NRCAM: variants seen among roughly 807,000 people sequenced by gnomAD.
NRCAM encodes NgCAM-related cell adhesion molecule.
A neutral mutation model predicts 156.5 loss-of-function variants in NRCAM; 83 were observed. The observed-to-expected ratio is 0.53, with a 90% CI of 0.44 to 0.64. The LOEUF (loss-of-function observed/expected upper bound fraction) is 0.64. Among genes scored for constraint, NRCAM ranks in the 30% least tolerant of loss-of-function variants. The pLI, the probability that NRCAM is intolerant of heterozygous loss-of-function variation, is 0.00. For missense variants in NRCAM, 1,417 were observed against 1,597.3 expected, an observed-to-expected ratio of 0.89 and a Z score of 1.92; for synonymous variants, 538 against 563.9, an observed-to-expected ratio of 0.95 and a Z score of 0.65.
At chr7:108,257,006 A>G (rs1255322630) in intron 3 of NRCAM, among the ~76,000 whole-genome samples, 55 of 127,206 alleles carry the variant, frequency 4.3e-4, no homozygotes, top group African/African-American at 1.2e-3. Context: ...AAGACTGTCG[A>G]AAAAAAAAAA....
At chr7:108,322,179 T>C (rs1222285212) in intron 2 of NRCAM, among the ~76,000 whole-genome samples, 1 of 152,216 alleles carries the variant, frequency 6.6e-6, no homozygotes, top group African/African-American at 2.4e-5. Context: ...TGGCAAGTCA[T>C]TTTTGGTTCA....
intron 3 of NRCAM, among the ~76,000 whole-genome samples, chr7:108,264,843 G>A (rs2097029479): frequency 6.6e-6 from 1 of 152,178 alleles, no homozygotes; most frequent in Non-Finnish European, 1.5e-5. Flanking sequence ...TTGAGGGAAA[G>A]AAAAAGTTAT....
rs1052220365 is a variant in NRCAM at position 108,389,396 on chromosome 7, T to C, written c.-174+10040A>G. ...TATAGGAATGCTTGTGATTTTTGCA[T>C]ATTGATTTTGTATCCTGAGAGTTTG... On this transcript the variant is annotated intron_variant, in intron 2 of 32. Transcript: ENST00000379028. 5.9e-5 allele frequency among the ~76,000 whole-genome samples: 9 copies of C among 152,254 alleles called. No homozygotes were observed. In the South Asian group the frequency reaches 6.2e-4, roughly 11 times the overall value.
intron 2 of NRCAM, among the ~76,000 whole-genome samples, chr7:108,376,496 CTTG>C (rs940442104): frequency 1.1e-4 from 17 of 152,116 alleles, no homozygotes; most frequent in Admixed American, 7.9e-4. Context: ...GTGGCTGGTA[CTTG>C]CTGCCCTCCT....
chr7:108,383,489 A>C (rs2099711091), intron 2 of NRCAM, among the ~76,000 whole-genome samples: 1 of 152,184 alleles, frequency 6.6e-6, no homozygotes, highest in Non-Finnish European at 1.5e-5. Flanking sequence ...ACTTATGACA[A>C]GGGCTTGGTA....
intron 18 of NRCAM, among the ~76,000 whole-genome samples, 196 bp downstream of exon 18, chr7:108,191,533 C>T (rs2071521784): frequency 6.6e-6 from 1 of 152,204 alleles, no homozygotes; most frequent in East Asian, 1.9e-4. Context: ...TCCACCATTT[C>T]ACCCAGTGCT....
At chr7:108,417,431 A>G (rs1457788483) in intron 1 of NRCAM, among the ~76,000 whole-genome samples, 1 of 152,184 alleles carries the variant, frequency 6.6e-6, no homozygotes, top group East Asian at 1.9e-4. Flanking sequence ...TCCTTTTATA[A>G]TAACAACAAT....
chr7:108,168,405 A>G lies in NRCAM; in HGVS notation c.3188-3T>C. 6.3e-7 allele frequency: 1 copy of G among 1,594,354 alleles called. No homozygotes were observed. The highest frequency in any genetic ancestry group is 1.8e-5 in the Admixed American group (1 of 55,098). On this transcript the variant is annotated splice_region_variant and splice_polypyrimidine_tract_variant and intron_variant, in intron 28 of 32. Coordinates refer to ENST00000379028, the MANE Select transcript of NRCAM (RefSeq NM_001037132.4). ...GATCCTGGGATTTACTGCTTGAACT[A>G]AACATACAATAGAAAAATAAAACAA...
chr7:108,181,194 GGA>G (rs1491117748), intron 24 of NRCAM, among the ~76,000 whole-genome samples: 3 of 50,138 alleles, frequency 6.0e-5, no homozygotes, highest in African/African-American at 1.8e-4. Flanking sequence ...AATGCTAGGG[GGA>G]AAAAAAAAAA....
chr7:108,384,186 C>T (rs1317395104), intron 2 of NRCAM, among the ~76,000 whole-genome samples: 2 of 152,016 alleles, frequency 1.3e-5, no homozygotes, highest in African/African-American at 4.8e-5. Context: ...GTACAACAAA[C>T]CCCAAAGACA....
intron 2 of NRCAM, among the ~76,000 whole-genome samples, chr7:108,333,267 TA>T (rs780312783): frequency 1.3e-5 from 2 of 152,196 alleles, no homozygotes; most frequent in Non-Finnish European, 2.9e-5. Flanking sequence ...ATCATATATT[TA>T]AACACATACA....
At chr7:108,434,911 C>A (rs1485335035) in intron 1 of NRCAM, among the ~76,000 whole-genome samples, 1 of 152,036 alleles carries the variant, frequency 6.6e-6, no homozygotes, top group Admixed American at 6.6e-5. Context: ...CTACAAATTT[C>A]TCAGGGTAGA....
At chr7:108,338,898 C>A (rs1036611547) in intron 2 of NRCAM, among the ~76,000 whole-genome samples, 1 of 152,142 alleles carries the variant, frequency 6.6e-6, no homozygotes, top group Non-Finnish European at 1.5e-5. Context: ...ATCCTTAACC[C>A]AGTAACCCGC....
At chr7:108,274,998 T>G (rs1407313974) in intron 3 of NRCAM, among the ~76,000 whole-genome samples, 1 of 152,220 alleles carries the variant, frequency 6.6e-6, no homozygotes, top group African/African-American at 2.4e-5. Context: ...GAGATAATCA[T>G]GTGGTTTTGG....
chr7:108,220,793 G>A (rs2091963963), intron 11 of NRCAM, among the ~76,000 whole-genome samples: 1 of 152,104 alleles, frequency 6.6e-6, no homozygotes, highest in Non-Finnish European at 1.5e-5. Context: ...ATTAGGCAAG[G>A]AATTCATGAC....
At chr7:108,273,437 C>A (rs1174589273) in intron 3 of NRCAM, among the ~76,000 whole-genome samples, 5 of 151,910 alleles carry the variant, frequency 3.3e-5, no homozygotes, top group Admixed American at 2.0e-4. Context: ...AATGATCGCC[C>A]TTCTAACTGG....
intron 2 of NRCAM, among the ~76,000 whole-genome samples, chr7:108,329,302 A>T (rs2099102878): frequency 6.6e-6 from 1 of 152,246 alleles, no homozygotes; most frequent in Non-Finnish European, 1.5e-5. Context: ...TGCATAATAC[A>T]TTAGGATTAT....
rs150905346 is a variant in NRCAM at position 108,355,416 on chromosome 7, CTGAG to C, written c.-173-42689_-173-42686del. Among the ~76,000 whole-genome samples the C allele has an allele frequency of 6.2e-3, 946 of 152,154 alleles. 12 individuals are homozygous for C. The highest frequency in any genetic ancestry group is 0.022 in the African/African-American group (923 of 41,478). ...TAATAATAACACATTTACAGATCAC[CTGAG>C]TAATATACAAAGTACAAGGGGATGA... On this transcript the variant is annotated intron_variant, in intron 2 of 32. Coordinates refer to ENST00000379028, the MANE Select transcript of NRCAM (RefSeq NM_001037132.4).
chr7:108,421,351 C>T (rs1461999559), intron 1 of NRCAM, among the ~76,000 whole-genome samples: 1 of 152,100 alleles, frequency 6.6e-6, no homozygotes, highest in African/African-American at 2.4e-5. Flanking sequence ...CCTATAATAT[C>T]ACATGCCATT....
Sources: allele counts gnomAD v4.1 joint callset (sites outside exome capture counted in the v4.1 genomes callset), GRCh38; gene constraint gnomAD v4.1.1; transcripts MANE v1.5; gene names NCBI Gene and HGNC (gene_info 2026-07-23, HGNC 2026-07-21).